SPTBN1: variants seen among roughly 807,000 people sequenced by gnomAD.
The protein encoded by SPTBN1 is spectrin beta chain, non-erythrocytic 1.
A neutral mutation model predicts 266.4 loss-of-function variants in SPTBN1; 32 were observed. The observed-to-expected ratio is 0.12, with a 90% CI of 0.09 to 0.16. The LOEUF (loss-of-function observed/expected upper bound fraction) is 0.16, where lower values mean the gene tolerates loss of function less well. Among genes scored for constraint, SPTBN1 ranks in the 10% least tolerant of loss-of-function variants. The pLI is 1.00. For synonymous variants in SPTBN1, 1,336 were observed against 1,162.2 expected (o/e 1.15, Z -3.04); for missense variants, 2,296 against 3,067.1 (o/e 0.75, Z 5.94).
chr2:54,484,479 C>G (rs987897660), intron 1 of SPTBN1, among the ~76,000 whole-genome samples: 11 of 152,112 alleles, frequency 7.2e-5, no homozygotes, highest in African/African-American at 2.4e-4. Context: ...TCCTCAAGCT[C>G]AGAGAGCAAG....
At chr2:54,458,723 A>T (rs1693201323) in intron 1 of SPTBN1, among the ~76,000 whole-genome samples, 1 of 152,200 alleles carries the variant, frequency 6.6e-6, no homozygotes, top group Admixed American at 6.5e-5. Context: ...TTCATTATTC[A>T]GTGTGGGATG....
intron 18 of SPTBN1, among the ~76,000 whole-genome samples, chr2:54,638,494 C>G (rs1679304889): frequency 6.6e-6 from 1 of 152,214 alleles, no homozygotes; most frequent in Non-Finnish European, 1.5e-5. Flanking sequence ...TTCCAAGCAC[C>G]AAGTTTTAAT....
intron 32 of SPTBN1, chr2:54,661,375 C>T (rs1681031993): frequency 3.0e-6 from 3 of 985,676 alleles, no homozygotes; most frequent in Non-Finnish European, 3.6e-6. Flanking sequence ...GAATCAGAAA[C>T]CTGTTTTGAT....
At chr2:54,514,832 C>G (rs1200106376) in intron 1 of SPTBN1, among the ~76,000 whole-genome samples, 1 of 152,212 alleles carries the variant, frequency 6.6e-6, no homozygotes, top group Non-Finnish European at 1.5e-5. Context: ...AGTCCTTGCT[C>G]TTTCCTGGGC....
Position 54,642,532 on chromosome 2 carries a change from T to TGTTTG in SPTBN1, c.3859-451_3859-450insGTTTG, listed in dbSNP as rs36069978. 4.5e-5 allele frequency among the ~76,000 whole-genome samples: 5 copies of TGTTTG among 110,814 alleles called. No individual in the cohort carries two copies. The South Asian group carries it at 1.1e-3, about 24-fold the overall frequency. The allele number at this position is 110,814 out of a possible 152,430, so 72.7% of individuals were successfully genotyped here. A position where few individuals can be genotyped will look rare whatever the true frequency, so the allele number is the denominator to read the frequency against. On this transcript the variant is annotated intron_variant, in intron 18 of 35. Coordinates refer to ENST00000356805, the MANE Select transcript of SPTBN1 (RefSeq NM_003128.3). ...AGGGGGAGGTAATAAATAAGTAGTT[T>TGTTTG]TTTTTTTTTTTTTTTAATAAAAAGA...
chr2:54,499,396 C>G (rs750854995), intron 1 of SPTBN1, among the ~76,000 whole-genome samples: 4 of 152,164 alleles, frequency 2.6e-5, no homozygotes, highest in African/African-American at 9.7e-5. Context: ...TCAGCCCCAA[C>G]ATTCATGTAG....
intron 32 of SPTBN1, 67 bp downstream of exon 32, chr2:54,660,066 C>T: frequency 6.2e-7 from 1 of 1,614,236 alleles, no homozygotes; most frequent in Non-Finnish European, 8.5e-7. Flanking sequence ...AGCCAGTGAC[C>T]AGCCATGGTC....
Position 54,630,036 on chromosome 2 carries a change from A to T in SPTBN1, c.2807+7A>T. On this transcript the variant is annotated splice_region_variant and intron_variant, in intron 15 of 35. Coordinates refer to ENST00000356805, the MANE Select transcript of SPTBN1 (RefSeq NM_003128.3). ...AGGACAAACTCAACACAAGGTGAGC[A>T]CGTGGCCAGCAGTGTGCCAGCCTCC... is the stretch of plus-strand genomic sequence containing the variant. The T allele has an allele frequency of 6.2e-7, 1 of 1,612,750 alleles. No homozygotes were observed. The highest frequency in any genetic ancestry group is 8.5e-7 in the Non-Finnish European group (1 of 1,179,436).
chr2:54,485,025 C>T (rs1203288101), intron 1 of SPTBN1, among the ~76,000 whole-genome samples: 2 of 152,214 alleles, frequency 1.3e-5, no homozygotes, highest in Non-Finnish European at 2.9e-5. Flanking sequence ...GGATTCTTAT[C>T]ACACAGTGTG....
At chr2:54,495,679 T>TTTTTTTTTTTTTTTTTATTATTATACTC (rs1279259203) in intron 1 of SPTBN1, among the ~76,000 whole-genome samples, 1 of 142,990 alleles carries the variant, frequency 7.0e-6, no homozygotes, top group South Asian at 2.2e-4. Flanking sequence ...GCATGTGTTT[T>TTTTTTTTTTTTTTTTTATTATTATACTC]TACCTTTATT....
chr2:54,642,951 A>G (rs1414031612), intron 18 of SPTBN1, 32 bp from the exon 19 acceptor site: 1 of 1,597,996 alleles, frequency 6.3e-7, no homozygotes, highest in African/African-American at 1.3e-5. Context: ...GTCTAGGATC[A>G]CAATCTCTGA....
chr2:54,656,030 G>T lies in SPTBN1; in HGVS notation c.6046+32G>T. On this transcript the variant is annotated intron_variant, in intron 29 of 35. Transcript: ENST00000356805. ...ATGTAGTTTATCTTTCTGCTCTTTT[G>T]GGTATCAATGGAAAACATGCACGTT... The T allele has an allele frequency of 1.9e-6, 3 of 1,549,738 alleles. No homozygotes were observed. The South Asian group carries it at 3.4e-5, about 18-fold the overall frequency.
chr2:54,668,378 A>C lies in SPTBN1; in HGVS notation c.6904A>C (p.Ile2302Leu), dbSNP rs756970310. The C allele has an allele frequency of 1.9e-6, 3 of 1,614,114 alleles. No individual in the cohort carries two copies. Among genetic ancestry groups the C allele is most frequent in the East Asian group, 4.5e-5 (2 of 44,868 alleles). The change falls in exon 36 of 36, where the codon ATC becomes CTC. Residue 2302 changes from isoleucine to leucine, a missense_variant. Physicochemically the swap from Ile to Leu is conservative, Grantham distance 5. Around this residue, in one of 12 missense-constraint regions of SPTBN1, gnomAD observed 347 missense variants for 368.5 expected, o/e 0.94. Coordinates refer to ENST00000356805, the MANE Select transcript of SPTBN1 (RefSeq NM_003128.3). Reference protein sequence around the residue: ...DEEMNTWIQAISSAISSDKHE... With the variant: ...DEEMNTWIQALSSAISSDKHE... ...GGAAATGAACACATGGATCCAGGCT[A>C]TCTCTTCCGCCATCTCCTCTGATAA...
intron 1 of SPTBN1, among the ~76,000 whole-genome samples, chr2:54,507,770 A>G (rs1669650764): frequency 6.7e-6 from 1 of 149,684 alleles, no homozygotes; most frequent in African/African-American, 2.5e-5. Flanking sequence ...TTAGGTAAAA[A>G]TAGCACTCTT....
intron 1 of SPTBN1, among the ~76,000 whole-genome samples, chr2:54,495,353 G>A (rs963918857): frequency 3.9e-5 from 6 of 152,126 alleles, no homozygotes; most frequent in African/African-American, 9.7e-5. Flanking sequence ...GAACCCTTAT[G>A]TGATGCCACC....
At position 54,613,451 on chromosome 2, in the gene SPTBN1, G is replaced by A. The variant is rs548971139; in HGVS notation, c.474+1117G>A. 2.0e-5 allele frequency among the ~76,000 whole-genome samples: 3 copies of A among 152,326 alleles called. No individual in the cohort carries two copies. In the South Asian group the frequency reaches 6.2e-4, roughly 32 times the overall value. On this transcript the variant is annotated intron_variant, in intron 4 of 35. Transcript: ENST00000356805. Reference sequence around the variant, plus strand: ...TTTCCTTCTCACTTGCCCTACGATTGGGCTTCAGTTAGTGTCGTGATTATA... The same window carrying A: ...TTTCCTTCTCACTTGCCCTACGATTAGGCTTCAGTTAGTGTCGTGATTATA...
Position 54,612,262 on chromosome 2 carries a change from G to T in SPTBN1, c.402G>T (p.Gly134=), listed in dbSNP as rs765480147. 12 of 1,614,088 alleles carry T rather than the reference G, an allele frequency of 7.4e-6. No homozygotes were observed. Among genetic ancestry groups the T allele is most frequent in the Non-Finnish European group, 1.0e-5 (12 of 1,179,958 alleles). ...KEQRVHLENM[G]SHDIVDGNHR... is the part of the protein sequence containing the mutation. ...AGAGAGTCCATCTTGAGAACATGGG[G>T]TCCCATGACATCGTGGATGGAAACC... The change falls in exon 4 of 36, where the codon GGG becomes GGT. Residue 134 remains glycine (G), a synonymous_variant. Coordinates refer to ENST00000356805, the MANE Select transcript of SPTBN1 (RefSeq NM_003128.3).
rs1673084587 is a variant in SPTBN1, at chr2:54,558,998, C to G, written c.148+32432C>G. On this transcript the variant is annotated intron_variant, in intron 2 of 35. Transcript: ENST00000356805. The surrounding 1 kb of genome is among the most constrained non-coding windows in gnomAD (Gnocchi z 4.6). Reference sequence around the variant, plus strand: ...CGGCTTCACAGCTCGGCCCCAGACCCTGTGGTTGGCTGCGGGCACCCCATT... The same window carrying G: ...CGGCTTCACAGCTCGGCCCCAGACCGTGTGGTTGGCTGCGGGCACCCCATT... 1 of 1,267,536 alleles carries G rather than the reference C, an allele frequency of 7.9e-7. No homozygotes were observed. The highest frequency in any genetic ancestry group is 1.1e-6 in the Non-Finnish European group (1 of 935,384). 78.5% of individuals were successfully genotyped at this position (1,267,536 alleles called of 1,614,324 possible). A position where few individuals can be genotyped will look rare whatever the true frequency, so the allele number is the denominator to read the frequency against.
intron 2 of SPTBN1, among the ~76,000 whole-genome samples, chr2:54,569,204 G>T (rs1033602523): frequency 5.9e-5 from 9 of 152,162 alleles, no homozygotes; most frequent in Non-Finnish European, 1.0e-4. Flanking sequence ...AGGGAATTCA[G>T]TTCTTGGCTG....
Sources: allele counts gnomAD v4.1 joint callset (sites outside exome capture counted in the v4.1 genomes callset), GRCh38; gene constraint gnomAD v4.1.1; regional missense constraint gnomAD v4.1.1; non-coding constraint Gnocchi (gnomAD v3.1); transcripts MANE v1.5; gene names NCBI Gene and HGNC (gene_info 2026-07-23, HGNC 2026-07-21).